Variants in MDGA2 observed in about 807,000 individuals in gnomAD.
MDGA2 encodes the protein MAM domain-containing glycosylphosphatidylinositol anchor protein 2.
MDGA2 carries 40 observed loss-of-function variants against 117.8 expected under a neutral mutation model. The observed-to-expected ratio is 0.34, with a 90% confidence interval of 0.26 to 0.44. The LOEUF (loss-of-function observed/expected upper bound fraction) is 0.44, where lower values mean the gene tolerates loss of function less well. Among genes scored for constraint, MDGA2 ranks in the 20% least tolerant of loss-of-function variants. The pLI is 1.00. For synonymous variants in MDGA2, 452 were observed against 439.0 expected (o/e 1.03, Z -0.37); for missense variants, 1,123 against 1,250.6 (o/e 0.90, Z 1.54).
intron 5 of MDGA2, among the ~76,000 whole-genome samples, chr14:47,117,724 G>A (rs532437100): frequency 6.6e-5 from 10 of 152,206 alleles, no homozygotes; most frequent in African/African-American, 2.4e-4. Context: ...GAATCAAAGG[G>A]TGGAAATGTG....
chr14:46,931,829 T>C (rs1050061400), intron 9 of MDGA2, among the ~76,000 whole-genome samples: 3 of 152,188 alleles, frequency 2.0e-5, no homozygotes, highest in African/African-American at 7.2e-5. Context: ...AGCCTACTTT[T>C]GTTACTATAA....
rs540177881 is a variant in MDGA2, at chr14:47,365,162, C to T, written c.281-63612G>A. Among the ~76,000 whole-genome samples, 31 of 152,282 alleles carry T rather than the reference C, an allele frequency of 2.0e-4. No individual in the cohort carries two copies. In the South Asian group the frequency reaches 4.6e-3, roughly 22 times the overall value. On this transcript the variant is annotated intron_variant, in intron 1 of 16. Transcript: ENST00000399232. The stretch of plus-strand genomic sequence containing the variant: ...ATCAAATAATACTTTCATCTCCATC[C>T]GCCTCTCAATAGTATATTATTTCTG...
intron 1 of MDGA2, among the ~76,000 whole-genome samples, chr14:47,469,881 G>A (rs1470258934): frequency 6.6e-6 from 1 of 152,086 alleles, no homozygotes; most frequent in African/African-American, 2.4e-5. Flanking sequence ...TATATTAGAA[G>A]GGCAGCCTGA....
intron 2 of MDGA2, among the ~76,000 whole-genome samples, chr14:47,226,069 G>A (rs1886484647): frequency 6.6e-6 from 1 of 151,684 alleles, no homozygotes; most frequent in Non-Finnish European, 1.5e-5. Flanking sequence ...GCAGAAGGAT[G>A]GATTGAAGCC....
chr14:47,631,965 T>A (rs1293569083), intron 1 of MDGA2, among the ~76,000 whole-genome samples: 4 of 151,460 alleles, frequency 2.6e-5, no homozygotes, highest in Non-Finnish European at 5.9e-5. Flanking sequence ...CTATTGTTAG[T>A]GTTAGTGTAT....
At chr14:47,594,850 A>C (rs372632294) in intron 1 of MDGA2, among the ~76,000 whole-genome samples, 7 of 152,208 alleles carry the variant, frequency 4.6e-5, no homozygotes, top group African/African-American at 1.4e-4. Flanking sequence ...TTTGTTCTTA[A>C]GTTGCTTGTA....
chr14:46,926,968 C>T (rs1290387208), intron 9 of MDGA2, among the ~76,000 whole-genome samples: 3 of 152,106 alleles, frequency 2.0e-5, no homozygotes, highest in South Asian at 4.1e-4. Context: ...GGATCCTGAG[C>T]GTAGACTCCT....
intron 1 of MDGA2, among the ~76,000 whole-genome samples, chr14:47,522,956 A>T (rs936967391): frequency 6.6e-6 from 1 of 152,230 alleles, no homozygotes; most frequent in Non-Finnish European, 1.5e-5. Context: ...GCCATACATT[A>T]AACATTCAAG....
intron 8 of MDGA2, among the ~76,000 whole-genome samples, chr14:46,959,302 TGG>T (rs1491369171): frequency 3.2e-4 from 37 of 115,480 alleles, no homozygotes; most frequent in African/African-American, 8.6e-4. Flanking sequence ...TGTGTGTGTG[TGG>T]ATACATACAT....
intron 1 of MDGA2, among the ~76,000 whole-genome samples, chr14:47,337,002 A>C (rs1403538947): frequency 6.6e-6 from 1 of 151,926 alleles, no homozygotes; most frequent in African/African-American, 2.4e-5. Context: ...GAAAACATAA[A>C]TATGTATCTG....
chr14:47,647,722 T>C (rs1897563051), intron 1 of MDGA2, among the ~76,000 whole-genome samples: 1 of 152,006 alleles, frequency 6.6e-6, no homozygotes, highest in Admixed American at 6.6e-5. Flanking sequence ...AATACCCTTA[T>C]GTCCAAAATA....
chr14:47,211,544 G>T (rs906225980), intron 3 of MDGA2, among the ~76,000 whole-genome samples: 1 of 152,088 alleles, frequency 6.6e-6, no homozygotes, highest in Non-Finnish European at 1.5e-5. Flanking sequence ...TCTTATAAAG[G>T]TCCTGCAAGA....
intron 15 of MDGA2, among the ~76,000 whole-genome samples, chr14:46,851,960 C>T (rs540217820): frequency 1.0e-3 from 155 of 150,110 alleles, no homozygotes; most frequent in Non-Finnish European, 1.4e-3. Flanking sequence ...TAAAATGAAA[C>T]GAGACAAAAA....
chr14:47,498,104 T>C (rs908036277), intron 1 of MDGA2, among the ~76,000 whole-genome samples: 6 of 152,164 alleles, frequency 3.9e-5, no homozygotes, highest in Admixed American at 3.9e-4. Context: ...AGTTAAGTAA[T>C]CATCTAACAG....
intron 1 of MDGA2, among the ~76,000 whole-genome samples, chr14:47,548,704 GAAATT>G (rs1895514396): frequency 6.6e-6 from 1 of 152,108 alleles, no homozygotes; most frequent in Non-Finnish European, 1.5e-5. Context: ...TCAAGGGTGA[GAAATT>G]AAGGTCTTCT....
At chr14:46,891,127 T>C (rs1265975657) in intron 10 of MDGA2, among the ~76,000 whole-genome samples, 1 of 152,054 alleles carries the variant, frequency 6.6e-6, no homozygotes, top group Non-Finnish European at 1.5e-5. Context: ...CAGTTTAAAG[T>C]ATATTAAAGG....
chr14:46,867,877 G>A (rs1024196917), intron 14 of MDGA2, among the ~76,000 whole-genome samples: 5 of 151,456 alleles, frequency 3.3e-5, no homozygotes, highest in Non-Finnish European at 7.4e-5. Context: ...AGTTGCCAGA[G>A]CATATAGATG....
chr14:47,129,665 A>G (rs2139142327), intron 5 of MDGA2, among the ~76,000 whole-genome samples: 1 of 150,636 alleles, frequency 6.6e-6, no homozygotes, highest in African/African-American at 2.5e-5. Context: ...AGGAATCGCC[A>G]CACTGACTTC....
chr14:46,840,810 AC>A lies in MDGA2; in HGVS notation c.*1120del, dbSNP rs1302833633. On this transcript the variant is annotated 3_prime_UTR_variant, in exon 17 of 17. Coordinates refer to ENST00000399232, the MANE Select transcript of MDGA2 (RefSeq NM_001113498.3). ...TCTTAATAACCTTTTGCTCTGGTTG[AC>A]CCATTTAATAACCTGGAAGAAAAAA... The A allele has an allele frequency of 3.9e-5, 6 of 152,478 alleles. No individual in the cohort carries two copies. Among genetic ancestry groups the A allele is most frequent in the Non-Finnish European group, 8.8e-5 (6 of 67,982 alleles). 9.4% of individuals were successfully genotyped at this position (152,478 alleles called of 1,614,324 possible). A position where few individuals can be genotyped will look rare whatever the true frequency, so the allele number is the denominator to read the frequency against.
Sources: gnomAD v4.1 joint callset for allele counts (sites outside exome capture counted in the v4.1 genomes callset) on GRCh38, gnomAD v4.1.1 for gene constraint, MANE v1.5 for transcripts, NCBI Gene and HGNC (gene_info 2026-07-23, HGNC 2026-07-21) for gene names.